The following SNX9 variants were observed in gnomAD, a reference collection of about 807,000 sequenced individuals.
The protein encoded by SNX9 is sorting nexin-9.
Under a neutral mutation model 89.4 loss-of-function variants are expected in SNX9, and 44 were observed. That is an observed-to-expected ratio of 0.49 (90% CI 0.39 to 0.63). SNX9 has a LOEUF of 0.63. Ranked by LOEUF, SNX9 falls within the 30% of genes least tolerant of loss-of-function variation. The pLI is 0.00. For missense variants in SNX9, 578 were observed against 736.1 expected (o/e 0.79, Z 2.49); for synonymous variants, 236 against 247.8 (o/e 0.95, Z 0.45).
intron 12 of SNX9, among the ~76,000 whole-genome samples, chr6:157,931,255 C>T (rs1783805930): frequency 1.3e-5 from 2 of 152,084 alleles, no homozygotes; most frequent in South Asian, 4.1e-4. Context: ...CACAGGGGTA[C>T]AATTTATTAA....
chr6:157,911,427 C>G (rs75167222), intron 9 of SNX9, among the ~76,000 whole-genome samples: 3,867 of 152,300 alleles, frequency 0.025, 116 homozygotes, highest in African/African-American at 0.069. Flanking sequence ...TCGAGAGAAA[C>G]AGTTCAGGGA....
chr6:157,903,434 C>T (rs1783147735), intron 6 of SNX9, among the ~76,000 whole-genome samples: 1 of 152,142 alleles, frequency 6.6e-6, no homozygotes, highest in South Asian at 2.1e-4. Flanking sequence ...TATATATTTT[C>T]CTGCTCAATT....
At chr6:157,843,872 C>CTTTTTTTTTT (rs1006138414) in intron 1 of SNX9, among the ~76,000 whole-genome samples, 4 of 120,682 alleles carry the variant, frequency 3.3e-5, no homozygotes, top group African/African-American at 1.3e-4. Flanking sequence ...TCCCATTTGT[C>CTTTTTTTTTT]TTTTTTTTTT....
intron 1 of SNX9, among the ~76,000 whole-genome samples, chr6:157,846,450 G>T (rs952048192): frequency 3.9e-5 from 6 of 152,248 alleles, no homozygotes; most frequent in African/African-American, 1.4e-4. Context: ...GCCAAGTATG[G>T]CTTAAAGCAG....
intron 4 of SNX9, among the ~76,000 whole-genome samples, chr6:157,894,106 C>CTTTTCTTTTCTTTTTTTTTTT (rs1484938597): frequency 1.1e-5 from 1 of 89,564 alleles, no homozygotes; most frequent in African/African-American, 4.6e-5. Flanking sequence ...CTTTTCTTTT[C>CTTTTCTTTTCTTTTTTTTTTT]TTTTTTTTTT....
chr6:157,881,324 G>A (rs898194559), intron 4 of SNX9, among the ~76,000 whole-genome samples: 1 of 152,066 alleles, frequency 6.6e-6, no homozygotes, highest in East Asian at 1.9e-4. Context: ...TATGTGTTCC[G>A]CCTGTTCTAC....
chr6:157,880,941 A>G (rs2115147591), intron 4 of SNX9, among the ~76,000 whole-genome samples: 1 of 152,400 alleles, frequency 6.6e-6, no homozygotes, highest in South Asian at 2.1e-4. Flanking sequence ...TATTTAGAAG[A>G]GTACATGGTA....
chr6:157,844,653 G>A (rs950602604), intron 1 of SNX9, among the ~76,000 whole-genome samples: 3 of 149,286 alleles, frequency 2.0e-5, no homozygotes, highest in Admixed American at 2.0e-4. Flanking sequence ...GAGTGCAGTG[G>A]TGCAATCTCG....
At chr6:157,837,879 G>A (rs953878672) in intron 1 of SNX9, among the ~76,000 whole-genome samples, 5 of 152,174 alleles carry the variant, frequency 3.3e-5, no homozygotes, top group Admixed American at 6.5e-5. Context: ...TGTGGGTTCC[G>A]TGAACAGCAT....
intron 5 of SNX9, among the ~76,000 whole-genome samples, chr6:157,901,000 G>A (rs1237051143): frequency 1.3e-5 from 2 of 152,130 alleles, no homozygotes; most frequent in African/African-American, 2.4e-5. Context: ...GTGCCCCCAT[G>A]TGTCTGTTTA....
Position 157,942,945 on chromosome 6 carries a change from C to A in SNX9, c.*107C>A. 2 of 1,259,618 alleles carry A rather than the reference C, an allele frequency of 1.6e-6. No homozygotes were observed. Among genetic ancestry groups the A allele is most frequent in the Admixed American group, 2.6e-5 (1 of 38,076 alleles). The allele number at this position is 1,259,618 out of a possible 1,614,324, so 78.0% of individuals were successfully genotyped here. On this transcript the variant is annotated 3_prime_UTR_variant, in exon 18 of 18. Transcript: ENST00000392185. ...ATTCAGAAAAAAAAGGAAACAAAAC[C>A]AAAAAGAAAGAGTTGCAAAAAACTG... is the stretch of plus-strand genomic sequence containing the variant.
chr6:157,844,350 CA>C (rs1267911758), intron 1 of SNX9, among the ~76,000 whole-genome samples: 1 of 151,898 alleles, frequency 6.6e-6, no homozygotes, highest in Non-Finnish European at 1.5e-5. Context: ...GCTGATTGGT[CA>C]GGGGTGAAAT....
At chr6:157,824,049 T>C (rs1442402314) in intron 1 of SNX9, among the ~76,000 whole-genome samples, 2 of 152,242 alleles carry the variant, frequency 1.3e-5, no homozygotes, top group Non-Finnish European at 2.9e-5. Context: ...TCATTGTGAA[T>C]GGCATTGCCG....
chr6:157,942,287 A>G (rs930978318), intron 17 of SNX9, among the ~76,000 whole-genome samples: 3 of 152,214 alleles, frequency 2.0e-5, no homozygotes, highest in Non-Finnish European at 4.4e-5. Context: ...GATGGATAAG[A>G]CAGCTGTGCC....
Position 157,902,003 on chromosome 6 carries a change from A to G in SNX9, c.578A>G (p.Asn193Ser). 1 of 1,613,946 alleles carries G rather than the reference A, an allele frequency of 6.2e-7. No homozygotes were observed. The highest frequency in any genetic ancestry group is 8.5e-7 in the Non-Finnish European group (1 of 1,179,956). ...SADAGGAQRG[N>S]SRASSSSMKI... ...GATGCAGGCGGCGCTCAGCGAGGAA[A>G]CAGTCGTGCTAGTTCCTCATCCATG... The change falls in exon 6 of 18, where the codon AAC becomes AGC. Residue 193 changes from asparagine to serine, a missense_variant. Asn to Ser is a conservative substitution (Grantham distance 46). Coordinates refer to ENST00000392185, the MANE Select transcript of SNX9 (RefSeq NM_016224.5).
chr6:157,943,192 TAA>T lies in SNX9; in HGVS notation c.*355_*356del, dbSNP rs772466345. 1.2e-4 allele frequency: 20 copies of T among 169,516 alleles called. No homozygotes were observed. The highest frequency in any genetic ancestry group is 2.1e-4 in the Non-Finnish European group (17 of 79,882). The allele number at this position is 169,516 out of a possible 1,614,324, so 10.5% of individuals were successfully genotyped here. On this transcript the variant is annotated 3_prime_UTR_variant, in exon 18 of 18. Transcript: ENST00000392185. ...TAAATTATAAGTCTTATATAATTTA[TAA>T]GTCTCCCACAATCTTCCAGTTCTTA...
At chr6:157,937,121 T>G (rs1373531278) in intron 14 of SNX9, among the ~76,000 whole-genome samples, 1 of 152,258 alleles carries the variant, frequency 6.6e-6, no homozygotes, top group African/African-American at 2.4e-5. Context: ...AACAACTCAT[T>G]TGTTTGTGTG....
At chr6:157,916,096 G>T (rs185793085) in intron 9 of SNX9, among the ~76,000 whole-genome samples, 2 of 151,204 alleles carry the variant, frequency 1.3e-5, no homozygotes, top group East Asian at 3.9e-4. Flanking sequence ...GTGCAGTGGC[G>T]CTATCTCGGC....
intron 4 of SNX9, among the ~76,000 whole-genome samples, chr6:157,883,928 C>T (rs1234225635): frequency 6.6e-6 from 1 of 152,118 alleles, no homozygotes; most frequent in Non-Finnish European, 1.5e-5. Flanking sequence ...TCCCAGTGAC[C>T]TATAAGAGAC....
Sources: allele counts gnomAD v4.1 joint callset (sites outside exome capture counted in the v4.1 genomes callset), GRCh38; gene constraint gnomAD v4.1.1; transcripts MANE v1.5; gene names NCBI Gene and HGNC (gene_info 2026-07-23, HGNC 2026-07-21).